AQR: variants seen among roughly 807,000 people sequenced by gnomAD.
The protein encoded by AQR is RNA helicase aquarius.
A neutral mutation model predicts 180.5 loss-of-function variants in AQR; 61 were observed. The ratio of observed to expected loss-of-function variants is 0.34; its 90% confidence interval spans 0.28 to 0.42. AQR has a LOEUF of 0.42. Among genes scored for constraint, AQR ranks in the 10% least tolerant of loss-of-function variants. The pLI is 1.00. For synonymous variants in AQR, 551 were observed against 588.8 expected (o/e 0.94, Z 0.93); for missense variants, 1,281 against 1,798.3 (o/e 0.71, Z 5.20).
At chr15:34,905,654 C>T (rs1452754459) in intron 18 of AQR, among the ~76,000 whole-genome samples, 1 of 150,186 alleles carries the variant, frequency 6.7e-6, no homozygotes, top group East Asian at 1.9e-4. Flanking sequence ...AATTAAGAAC[C>T]ACCACTACAA....
At chr15:34,905,863 T>A (rs1405220083) in intron 18 of AQR, among the ~76,000 whole-genome samples, 2 of 150,630 alleles carry the variant, frequency 1.3e-5, no homozygotes, top group Non-Finnish European at 3.0e-5. Context: ...ATGGTGAAAC[T>A]CTGTCTCTAC....
chr15:34,893,112 G>A (rs1893175851), intron 23 of AQR, among the ~76,000 whole-genome samples: 2 of 152,126 alleles, frequency 1.3e-5, no homozygotes, highest in Admixed American at 1.3e-4. Flanking sequence ...ATGCTGCAAG[G>A]AAGAACCAGC....
chr15:34,858,320 C>CAAAAAAAAAAAAAAAA (rs57627687), intron 34 of AQR, among the ~76,000 whole-genome samples: 2 of 86,086 alleles, frequency 2.3e-5, no homozygotes, highest in Non-Finnish European at 4.5e-5. Context: ...ACGACAGCAG[C>CAAAAAAAAAAAAAAAA]AAAAAAAAAA....
intron 6 of AQR, chr15:34,943,292 C>T (rs951683301): frequency 1.9e-6 from 3 of 1,559,378 alleles, no homozygotes; most frequent in Admixed American, 3.3e-5. Flanking sequence ...GGCTTGAGTG[C>T]ATTGAGCCCA....
intron 1 of AQR, among the ~76,000 whole-genome samples, chr15:34,966,361 T>G (rs1169960176): frequency 6.6e-6 from 1 of 152,214 alleles, no homozygotes; most frequent in African/African-American, 2.4e-5. Flanking sequence ...GCCCAAGATG[T>G]CCCCTCTACC....
intron 4 of AQR, among the ~76,000 whole-genome samples, chr15:34,951,757 T>G (rs1894237314): frequency 6.6e-6 from 1 of 152,186 alleles, no homozygotes; most frequent in African/African-American, 2.4e-5. Context: ...TCTCTTGGTT[T>G]CTGGACTCTA....
chr15:34,910,898 T>A (rs928917076), intron 16 of AQR, among the ~76,000 whole-genome samples: 2 of 152,196 alleles, frequency 1.3e-5, no homozygotes, highest in African/African-American at 2.4e-5. Flanking sequence ...AACTTATGTA[T>A]CTTGTAACTG....
At chr15:34,924,558 A>C (rs887112509) in intron 13 of AQR, among the ~76,000 whole-genome samples, 3 of 151,962 alleles carry the variant, frequency 2.0e-5, no homozygotes, top group East Asian at 1.9e-4. Context: ...CAGCCTCCCA[A>C]GTAGCTGGGA....
intron 4 of AQR, among the ~76,000 whole-genome samples, chr15:34,951,473 C>T (rs1343472500): frequency 6.6e-6 from 1 of 152,082 alleles, no homozygotes; most frequent in Non-Finnish European, 1.5e-5. Flanking sequence ...GAAATCGAGA[C>T]CATCCTGGCC....
chr15:34,911,697 T>C (rs1893501253), intron 16 of AQR, among the ~76,000 whole-genome samples: 1 of 152,224 alleles, frequency 6.6e-6, no homozygotes, highest in Non-Finnish European at 1.5e-5. Context: ...TAACTTCTAA[T>C]CAGACACATG....
chr15:34,939,054 G>C (rs1241459835), intron 8 of AQR, among the ~76,000 whole-genome samples: 1 of 151,990 alleles, frequency 6.6e-6, no homozygotes, highest in East Asian at 1.9e-4. Flanking sequence ...CTCTCACCGT[G>C]AACGTTTTCT....
rs778073910 is a variant in AQR, at chr15:34,897,526, C to T, written c.2390+33G>A. ...CCAGTTGAAATGGCAAACTATTGTT[C>T]ATCATTACAATTATAATAGGTAGTA... is the stretch of plus-strand genomic sequence containing the variant. On this transcript the variant is annotated intron_variant, in intron 21 of 34. Coordinates refer to ENST00000156471, the MANE Select transcript of AQR (RefSeq NM_014691.3). 5.0e-6 allele frequency: 8 copies of T among 1,607,388 alleles called. No individual in the cohort carries two copies. The South Asian group carries it at 6.7e-5, about 13-fold the overall frequency.
chr15:34,940,339 T>C (rs1457017885), intron 8 of AQR, among the ~76,000 whole-genome samples: 1 of 152,202 alleles, frequency 6.6e-6, no homozygotes, highest in Non-Finnish European at 1.5e-5. Context: ...GAGACCAGCC[T>C]GACCAACATG....
chr15:34,902,293 A>G (rs1054420471), intron 19 of AQR, among the ~76,000 whole-genome samples: 1 of 152,180 alleles, frequency 6.6e-6, no homozygotes, highest in African/African-American at 2.4e-5. Context: ...GGAGGCTACT[A>G]TAACTGTCTA....
rs1269651806 is a variant in AQR, at chr15:34,946,433, G to GGT, written c.330+1830_330+1831insAC. On this transcript the variant is annotated intron_variant, in intron 5 of 34. Transcript: ENST00000156471. ...GCCGCCCCGTCCGGGAGGGAGGTGG[G>GGT]GGGGGTCAGCCCCCCGCCCGGCCAG... 4.2e-5 allele frequency among the ~76,000 whole-genome samples: 6 copies of GGT among 142,788 alleles called. No homozygotes were observed. The East Asian group carries it at 1.1e-3, about 26-fold the overall frequency. 93.7% of individuals were successfully genotyped at this position (142,788 alleles called of 152,430 possible). A position where few individuals can be genotyped will look rare whatever the true frequency, so the allele number is the denominator to read the frequency against.
At chr15:34,939,882 T>C (rs1258145413) in intron 8 of AQR, among the ~76,000 whole-genome samples, 1 of 152,222 alleles carries the variant, frequency 6.6e-6, no homozygotes, top group Non-Finnish European at 1.5e-5. Context: ...GATTTCACAA[T>C]GAGGCTTAGA....
chr15:34,935,634 C>A (rs762632188), intron 9 of AQR, among the ~76,000 whole-genome samples: 2 of 152,060 alleles, frequency 1.3e-5, no homozygotes, highest in African/African-American at 4.8e-5. Flanking sequence ...ATAATCCAAA[C>A]CCTGAAATAA....
rs556277731 is a variant in AQR at position 34,854,997 on chromosome 15, C to T, written c.*1795G>A. 1 of 152,184 alleles carries T rather than the reference C, an allele frequency of 6.6e-6. No homozygotes were observed. The highest frequency in any genetic ancestry group is 2.4e-5 in the African/African-American group (1 of 41,436). 9.4% of individuals were successfully genotyped at this position (152,184 alleles called of 1,614,324 possible). A position where few individuals can be genotyped will look rare whatever the true frequency, so the allele number is the denominator to read the frequency against. On this transcript the variant is annotated 3_prime_UTR_variant, in exon 35 of 35. Coordinates refer to ENST00000156471, the MANE Select transcript of AQR (RefSeq NM_014691.3). ...ATTCCCCATACAGATGCCCACAGCA[C>T]CTGCTTTCAAAATCTTTTATCGGAG...
At chr15:34,908,403 T>C (rs1364070552) in intron 17 of AQR, among the ~76,000 whole-genome samples, 1 of 151,580 alleles carries the variant, frequency 6.6e-6, no homozygotes, top group African/African-American at 2.4e-5. Context: ...GCCACTGCCC[T>C]CCAGACTGGG....
Sources: allele counts gnomAD v4.1 joint callset (sites outside exome capture counted in the v4.1 genomes callset), GRCh38; gene constraint gnomAD v4.1.1; transcripts MANE v1.5; gene names NCBI Gene and HGNC (gene_info 2026-07-23, HGNC 2026-07-21).